Variants in CPSF3 observed in about 807,000 individuals in gnomAD.
The protein encoded by CPSF3 is cleavage and polyadenylation specific factor 3.
In CPSF3, 57 loss-of-function variants were observed where a neutral mutation model predicts 84.1. That is an observed-to-expected ratio of 0.68 (90% CI 0.55 to 0.85). The LOEUF (loss-of-function observed/expected upper bound fraction) is 0.85, where lower values mean the gene tolerates loss of function less well. CPSF3 is among the 40% of genes least tolerant of loss of function. The probability of loss-of-function intolerance (pLI) is 0.00; values close to 1 mark genes in which losing one functional copy is unlikely to be tolerated. For synonymous variants in CPSF3, 275 were observed against 278.1 expected (o/e 0.99, Z 0.11); for missense variants, 522 against 838.8 (o/e 0.62, Z 4.66).
chr2:9,454,542 T>C (rs1681450865), intron 12 of CPSF3, among the ~76,000 whole-genome samples: 1 of 134,930 alleles, frequency 7.4e-6, no homozygotes, highest in African/African-American at 3.1e-5. Context: ...TTATACTCTT[T>C]TTTTTTTTTT....
intron 14 of CPSF3, among the ~76,000 whole-genome samples, chr2:9,458,403 CAAAAGAAAA>C (rs1681608954): frequency 6.7e-6 from 1 of 148,794 alleles, no homozygotes; most frequent in Non-Finnish European, 1.5e-5. Flanking sequence ...GACGCTGTCT[CAAAAGAAAA>C]AAAAGAAAGA....
At chr2:9,445,689 G>T (rs975185505) in intron 10 of CPSF3, among the ~76,000 whole-genome samples, 3 of 152,134 alleles carry the variant, frequency 2.0e-5, no homozygotes, top group Non-Finnish European at 4.4e-5. Flanking sequence ...AGGAAAAGCC[G>T]AATTGCTCTT....
chr2:9,454,560 T>G (rs1231932042), intron 12 of CPSF3, among the ~76,000 whole-genome samples: 3 of 112,276 alleles, frequency 2.7e-5, no homozygotes, highest in East Asian at 4.1e-4. Flanking sequence ...TTTTTTTTTT[T>G]GAGATGGAGT....
At chr2:9,466,246 ACGCGCACACACGCACACAAAGACGCACG>A (rs1558466068) in intron 15 of CPSF3, among the ~76,000 whole-genome samples, 4 of 146,946 alleles carry the variant, frequency 2.7e-5, no homozygotes, top group African/African-American at 2.6e-5. Flanking sequence ...GCGCGCACGC[ACGCGCACACACGCACACAAAGACGCACG>A]CACACACGTG....
chr2:9,452,908 TAC>T lies in CPSF3; in HGVS notation c.1396-3_1396-2del. On this transcript the variant is annotated splice_polypyrimidine_tract_variant and splice_region_variant and intron_variant, in intron 11 of 17. Transcript: ENST00000238112. ...CTATTTTCTTCAAGTATTTTTTTTT[TAC>T]AGGTTATGGGATTTTTAGCAGACAA... 1.9e-6 allele frequency: 3 copies of T among 1,572,452 alleles called. No homozygotes were observed. Among genetic ancestry groups the T allele is most frequent in the Non-Finnish European group, 2.6e-6 (3 of 1,162,890 alleles).
At chr2:9,448,878 A>C (rs561955150) in intron 11 of CPSF3, among the ~76,000 whole-genome samples, 16 of 152,100 alleles carry the variant, frequency 1.1e-4, no homozygotes, top group Non-Finnish European at 2.2e-4. Context: ...AATGCAGCTG[A>C]ATCTCATAGC....
At chr2:9,435,584 A>T (rs944201469) in intron 6 of CPSF3, among the ~76,000 whole-genome samples, 2 of 151,312 alleles carry the variant, frequency 1.3e-5, no homozygotes, top group African/African-American at 2.4e-5. Flanking sequence ...CACCATGCCC[A>T]GCTAATTTTT....
At chr2:9,436,500 G>A (rs976933305) in intron 7 of CPSF3, 139 bp downstream of exon 7, 55 of 916,212 alleles carry the variant, frequency 6.0e-5, no homozygotes, top group African/African-American at 1.5e-4. Context: ...GGGGCCGGGC[G>A]CGGTGGCTCA....
intron 9 of CPSF3, among the ~76,000 whole-genome samples, chr2:9,442,226 A>G (rs992723512): frequency 2.4e-4 from 36 of 152,218 alleles, no homozygotes; most frequent in African/African-American, 8.4e-4. Context: ...GGTTGCAAGT[A>G]GAGAAGAATG....
chr2:9,457,222 G>A (rs1449724802), intron 14 of CPSF3, among the ~76,000 whole-genome samples, 195 bp downstream of exon 14: 1 of 148,740 alleles, frequency 6.7e-6, no homozygotes, highest in African/African-American at 2.5e-5. Flanking sequence ...GTATAATTAA[G>A]TAGCTGAGCA....
intron 17 of CPSF3, 27 bp from the exon 18 acceptor site, chr2:9,472,889 A>G: frequency 7.3e-7 from 1 of 1,364,926 alleles, no homozygotes; most frequent in Non-Finnish European, 1.0e-6. Context: ...CTTAATTCTA[A>G]CAGTCTTGTT....
chr2:9,467,827 G>T, intron 16 of CPSF3, 51 bp downstream of exon 16: 1 of 1,472,902 alleles, frequency 6.8e-7, no homozygotes. Flanking sequence ...GCGGCCGGAA[G>T]GAGCCCTGGA....
intron 4 of CPSF3, 135 bp from the exon 5 acceptor site, chr2:9,432,376 T>G (rs1680621494): frequency 8.4e-6 from 5 of 593,534 alleles, no homozygotes; most frequent in Non-Finnish European, 1.3e-5. Context: ...TCTGAGAAAT[T>G]TTAAATACAT....
intron 13 of CPSF3, 98 bp from the exon 14 acceptor site, chr2:9,456,835 G>A (rs1007663371): frequency 1.5e-6 from 1 of 654,208 alleles, no homozygotes; most frequent in African/African-American, 1.8e-5. Context: ...TTTTAATTGT[G>A]TAGCTGCTTT....
rs58267919 is a variant in CPSF3, at chr2:9,452,325, C to CAA, written c.1396-571_1396-570dup. Among the ~76,000 whole-genome samples, 260 of 72,838 alleles carry CAA rather than the reference C, an allele frequency of 3.6e-3. 1 individual carries two copies. Among genetic ancestry groups the CAA allele is most frequent in the Non-Finnish European group, 7.4e-3 (217 of 29,310 alleles). The allele number at this position is 72,838 out of a possible 152,430, so 47.8% of individuals were successfully genotyped here. A position where few individuals can be genotyped will look rare whatever the true frequency, so the allele number is the denominator to read the frequency against. On this transcript the variant is annotated intron_variant, in intron 11 of 17. Transcript: ENST00000238112. The stretch of plus-strand genomic sequence containing the variant: ...GCCTGGCGACAGTGAGACACTGTCT[C>CAA]AAAAAAAAAAAAAAAAAAGAATAGT...
intron 1 of CPSF3, among the ~76,000 whole-genome samples, chr2:9,426,875 CAAA>C (rs61487619): frequency 7.6e-6 from 1 of 131,218 alleles, no homozygotes; most frequent in Admixed American, 7.9e-5. Context: ...GACCTTGTCT[CAAA>C]AAAAAAAAAA....
intron 15 of CPSF3, among the ~76,000 whole-genome samples, chr2:9,466,394 ACACACACGCACGCG>A (rs1185744562): frequency 5.5e-5 from 8 of 145,616 alleles, no homozygotes; most frequent in East Asian, 4.0e-4. Context: ...ACACACGCGC[ACACACACGCACGCG>A]CACACACGCA....
At chr2:9,440,419 T>A (rs1190495909) in intron 7 of CPSF3, 72 bp from the exon 8 acceptor site, 1 of 1,230,480 alleles carries the variant, frequency 8.1e-7, no homozygotes, top group African/African-American at 1.5e-5. Flanking sequence ...TTGTTCTGTG[T>A]GTATCATTTG....
At chr2:9,430,407 GACAAGACAGTGACCTC>G (rs774626598) in intron 3 of CPSF3, among the ~76,000 whole-genome samples, 2 of 152,066 alleles carry the variant, frequency 1.3e-5, no homozygotes, top group Non-Finnish European at 2.9e-5. Context: ...AGAAAAATGT[GACAAGACAGTGACCTC>G]AGGGAGATAT....
Sources: allele counts gnomAD v4.1 joint callset (sites outside exome capture counted in the v4.1 genomes callset), GRCh38; gene constraint gnomAD v4.1.1; transcripts MANE v1.5; gene names NCBI Gene and HGNC (gene_info 2026-07-23, HGNC 2026-07-21).